Variants in GALNT13 observed in about 807,000 individuals in gnomAD.
GALNT13 encodes UDP-GalNAc:polypeptide N-acetylgalactosaminyltransferase 13.
A neutral mutation model predicts 64.2 loss-of-function variants in GALNT13; 28 were observed. The observed-to-expected ratio is 0.44, with a 90% CI of 0.32 to 0.60. The LOEUF (loss-of-function observed/expected upper bound fraction) is 0.60. GALNT13 is among the 20% of genes least tolerant of loss of function. The pLI, the probability that GALNT13 is intolerant of heterozygous loss-of-function variation, is 0.05. For synonymous variants in GALNT13, 214 were observed against 224.6 expected (o/e 0.95, Z 0.42); for missense variants, 577 against 669.8 (o/e 0.86, Z 1.53).
chr2:154,160,590 A>C (rs990334266), intron 4 of GALNT13, among the ~76,000 whole-genome samples: 1 of 152,150 alleles, frequency 6.6e-6, no homozygotes, highest in Non-Finnish European at 1.5e-5. Context: ...AAGTCATGTT[A>C]CTATCCCATC....
At chr2:153,726,797 G>A in the GALNT13 span, among the ~76,000 whole-genome samples, 10 of 152,022 alleles carry the variant, frequency 6.6e-5, no homozygotes, top group South Asian at 1.0e-3. Flanking sequence ...AAAATTAGCC[G>A]GGTGTGGTGG....
intron 12 of GALNT13, among the ~76,000 whole-genome samples, chr2:154,439,382 A>G (rs1701165425): frequency 6.6e-6 from 1 of 152,170 alleles, no homozygotes; most frequent in Non-Finnish European, 1.5e-5. Context: ...TTTCCTTTGC[A>G]TAACGAAGCT....
intron 4 of GALNT13, among the ~76,000 whole-genome samples, chr2:154,204,342 A>G (rs75963298): frequency 0.068 from 10,362 of 152,206 alleles, 433 homozygotes; most frequent in African/African-American, 0.1. Flanking sequence ...TGTCTGTCTT[A>G]TTACTATATT....
the GALNT13 span, among the ~76,000 whole-genome samples, chr2:153,381,465 A>C: frequency 6.6e-6 from 1 of 152,138 alleles, no homozygotes; most frequent in African/African-American, 2.4e-5. Flanking sequence ...AACCAGACAG[A>C]GGGAGCAAGA....
the GALNT13 span, among the ~76,000 whole-genome samples, chr2:153,673,850 C>T: frequency 8.5e-5 from 13 of 152,188 alleles, no homozygotes; most frequent in Non-Finnish European, 1.5e-5. Flanking sequence ...GCAACTTCAG[C>T]AAAGTCTCAG....
chr2:153,309,777 CA>C, the GALNT13 span, among the ~76,000 whole-genome samples: 2 of 151,934 alleles, frequency 1.3e-5, no homozygotes, highest in Non-Finnish European at 2.9e-5. Flanking sequence ...TGTAGTTTTA[CA>C]AATTAGAGAA....
chr2:154,017,070 T>G (rs907507024), intron 3 of GALNT13, among the ~76,000 whole-genome samples: 5 of 152,026 alleles, frequency 3.3e-5, no homozygotes, highest in African/African-American at 1.2e-4. Context: ...AGAAAACCAA[T>G]GAGGAACCCA....
chr2:154,357,672 A>G (rs138845206), intron 9 of GALNT13, among the ~76,000 whole-genome samples: 1 of 152,176 alleles, frequency 6.6e-6, no homozygotes, highest in Non-Finnish European at 1.5e-5. Flanking sequence ...AAGCTTCATT[A>G]CTGAAGGATA....
intron 3 of GALNT13, among the ~76,000 whole-genome samples, chr2:154,064,351 G>A (rs547306040): frequency 2.5e-4 from 38 of 152,264 alleles, no homozygotes; most frequent in African/African-American, 7.0e-4. Flanking sequence ...GTTCTGGGCC[G>A]AGAGCAAGTG....
At chr2:153,210,454 AATTG>A in the GALNT13 span, among the ~76,000 whole-genome samples, 1 of 152,150 alleles carries the variant, frequency 6.6e-6, no homozygotes, top group East Asian at 1.9e-4. Context: ...GAATTACATT[AATTG>A]ATTATTAAAT....
At chr2:153,900,231 C>G (rs1270786349) in intron 1 of GALNT13, among the ~76,000 whole-genome samples, 1 of 151,984 alleles carries the variant, frequency 6.6e-6, no homozygotes, top group African/African-American at 2.4e-5. Flanking sequence ...AGTGTAAAAC[C>G]CATTTAATTT....
chr2:153,704,513 G>A, the GALNT13 span, among the ~76,000 whole-genome samples: 1 of 152,058 alleles, frequency 6.6e-6, no homozygotes, highest in African/African-American at 2.4e-5. Flanking sequence ...ATGCACAAAT[G>A]CACCTCAGTT....
intron 3 of GALNT13, among the ~76,000 whole-genome samples, chr2:154,010,911 G>C (rs569764718): frequency 6.6e-6 from 1 of 151,224 alleles, no homozygotes; most frequent in African/African-American, 2.4e-5. Context: ...GTTTTTTTGT[G>C]TGTGTGTGTG....
intron 4 of GALNT13, among the ~76,000 whole-genome samples, chr2:154,151,600 G>A (rs951023355): frequency 5.9e-5 from 9 of 152,162 alleles, no homozygotes; most frequent in Non-Finnish European, 1.0e-4. Context: ...CTTGCTTTAT[G>A]AAACTGGGTG....
chr2:153,420,566 G>T, the GALNT13 span: 2 of 162,334 alleles, frequency 1.2e-5, no homozygotes, highest in African/African-American at 4.8e-5. Context: ...CATGATTACC[G>T]CTGAGTGAAA....
chr2:154,298,655 TACA>T (rs1255752581), intron 8 of GALNT13, among the ~76,000 whole-genome samples: 2 of 74,228 alleles, frequency 2.7e-5, no homozygotes, highest in African/African-American at 4.4e-5. Flanking sequence ...ACATTGTATA[TACA>T]ATTTATATAT....
chr2:153,406,252 C>G, the GALNT13 span, among the ~76,000 whole-genome samples: 405 of 152,154 alleles, frequency 2.7e-3, 1 homozygote, highest in Non-Finnish European at 4.3e-3. Flanking sequence ...AAAATTATTA[C>G]TTATTTCATT....
At chr2:153,476,866 C>T in the GALNT13 span, among the ~76,000 whole-genome samples, 1 of 152,136 alleles carries the variant, frequency 6.6e-6, no homozygotes, top group Admixed American at 6.5e-5. Context: ...TTTATAATTC[C>T]CCTTCCCTCC....
chr2:153,419,907 A>C, the GALNT13 span, among the ~76,000 whole-genome samples: 1 of 152,208 alleles, frequency 6.6e-6, no homozygotes. Context: ...AAGACTTCTC[A>C]AAGTGGATTT....
Sources: allele counts gnomAD v4.1 joint callset (sites outside exome capture counted in the v4.1 genomes callset), GRCh38; gene constraint gnomAD v4.1.1; transcripts MANE v1.5; gene names NCBI Gene and HGNC (gene_info 2026-07-23, HGNC 2026-07-21).